Variants in NALCN observed in about 807,000 individuals in gnomAD.
The protein encoded by NALCN is sodium leak channel NALCN.
NALCN carries 111 observed loss-of-function variants against 225.3 expected under a neutral mutation model. The ratio of observed to expected loss-of-function variants is 0.49; its 90% CI spans 0.42 to 0.58. The LOEUF is 0.58. Among genes scored for constraint, NALCN ranks in the 20% least tolerant of loss-of-function variants. The probability of loss-of-function intolerance (pLI) is 0.00; values close to 1 mark genes in which losing one functional copy is unlikely to be tolerated. For missense variants in NALCN, 1,378 were observed against 2,202.4 expected (o/e 0.63, Z 7.49); for synonymous variants, 764 against 769.0 (o/e 0.99, Z 0.11).
intron 9 of NALCN, among the ~76,000 whole-genome samples, chr13:101,284,535 A>G (rs1251504833): frequency 6.6e-6 from 1 of 152,240 alleles, no homozygotes; most frequent in East Asian, 1.9e-4. Flanking sequence ...CAGGATCCAT[A>G]AAATAAGAAG....
At chr13:101,333,159 T>C (rs1184408647) in intron 7 of NALCN, among the ~76,000 whole-genome samples, 1 of 152,178 alleles carries the variant, frequency 6.6e-6, no homozygotes, top group Non-Finnish European at 1.5e-5. Context: ...ATGGTTACAT[T>C]CTCAGAAAAA....
At position 101,254,676 on chromosome 13, in the gene NALCN, G is replaced by A. The variant is rs1310836516; in HGVS notation, c.1266+3767C>T. 4.1e-5 allele frequency among the ~76,000 whole-genome samples: 3 copies of A among 73,426 alleles called. 1 individual carries two copies. The highest frequency in any genetic ancestry group is 7.6e-5 in the African/African-American group (2 of 26,316). The allele number at this position is 73,426 out of a possible 152,430, so 48.2% of individuals were successfully genotyped here. A position where few individuals can be genotyped will look rare whatever the true frequency, so the allele number is the denominator to read the frequency against. On this transcript the variant is annotated intron_variant, in intron 11 of 43. Transcript: ENST00000251127. Reference sequence around the variant, plus strand: ...GGAGGCCGAGGCGGGCGGATCACGAGGTCAGGAGATCGAGACCATCCCGGC... The same window carrying A: ...GGAGGCCGAGGCGGGCGGATCACGAAGTCAGGAGATCGAGACCATCCCGGC...
intron 27 of NALCN, among the ~76,000 whole-genome samples, chr13:101,098,861 C>T (rs2034656353): frequency 6.7e-6 from 1 of 150,156 alleles, no homozygotes; most frequent in Admixed American, 6.6e-5. Flanking sequence ...TCTTTTCAAT[C>T]GTTCTGCTTG....
chr13:101,123,650 G>A (rs1028396426), intron 18 of NALCN, among the ~76,000 whole-genome samples: 2 of 152,174 alleles, frequency 1.3e-5, no homozygotes, highest in African/African-American at 2.4e-5. Flanking sequence ...CTCTATGCAT[G>A]AACGTCAGCC....
At chr13:101,065,267 G>A in intron 40 of NALCN, 137 bp downstream of exon 40, 1 of 892,860 alleles carries the variant, frequency 1.1e-6, no homozygotes, top group Non-Finnish European at 1.7e-6. Flanking sequence ...CCTGGGACAT[G>A]TGACCCCACT....
intron 6 of NALCN, among the ~76,000 whole-genome samples, chr13:101,362,705 G>C (rs561167049): frequency 6.6e-5 from 10 of 152,060 alleles, no homozygotes; most frequent in African/African-American, 2.4e-4. Flanking sequence ...ATTTTCATCA[G>C]ATTTATTCAA....
Position 101,411,390 on chromosome 13 carries a change from C to T in NALCN, c.-40+4923G>A, listed in dbSNP as rs1410990784. Among the ~76,000 whole-genome samples, 4 of 147,990 alleles carry T rather than the reference C, an allele frequency of 2.7e-5. No homozygotes were observed. In the East Asian group the frequency reaches 6.0e-4, roughly 22 times the overall value. On this transcript the variant is annotated intron_variant, in intron 1 of 43. Coordinates refer to ENST00000251127, the MANE Select transcript of NALCN (RefSeq NM_052867.4). ...ACGGAGTCTTGCCCTGTCGCCCAGG[C>T]TGGAGTGTAATGCGTGATCTCGGCT...
intron 6 of NALCN, among the ~76,000 whole-genome samples, chr13:101,370,158 T>C (rs1218835719): frequency 2.0e-5 from 3 of 152,168 alleles, no homozygotes; most frequent in African/African-American, 7.2e-5. Context: ...TATAACACAA[T>C]ATCCTCTTTA....
intron 3 of NALCN, among the ~76,000 whole-genome samples, chr13:101,383,042 C>G (rs556430515): frequency 6.6e-6 from 1 of 152,126 alleles, no homozygotes. Flanking sequence ...ACCCAAGATA[C>G]AAAGGCCAGC....
chr13:101,180,204 C>CTTTTTTTTTTTT (rs71200724), intron 14 of NALCN, among the ~76,000 whole-genome samples: 4 of 109,950 alleles, frequency 3.6e-5, no homozygotes, highest in Non-Finnish European at 5.6e-5. Context: ...TCCACCTGGT[C>CTTTTTTTTTTTT]TTTTTTTTTT....
chr13:101,414,969 G>A (rs1312934057), intron 1 of NALCN, among the ~76,000 whole-genome samples: 4 of 143,582 alleles, frequency 2.8e-5, no homozygotes, highest in Admixed American at 1.4e-4. Context: ...ACAGAAGAAC[G>A]AAAAATCGAC....
At chr13:101,318,276 G>A (rs1016022015) in intron 7 of NALCN, among the ~76,000 whole-genome samples, 2 of 152,146 alleles carry the variant, frequency 1.3e-5, no homozygotes, top group East Asian at 3.9e-4. Context: ...CGGGGTGCAT[G>A]AGTGAGTGAG....
intron 15 of NALCN, among the ~76,000 whole-genome samples, chr13:101,165,346 C>T (rs2038387128): frequency 6.6e-6 from 1 of 152,176 alleles, no homozygotes; most frequent in African/African-American, 2.4e-5. Context: ...TCATCGAAGG[C>T]CCTGAGCTTG....
At chr13:101,203,892 G>A (rs139376502) in intron 13 of NALCN, among the ~76,000 whole-genome samples, 1 of 152,258 alleles carries the variant, frequency 6.6e-6, no homozygotes, top group Non-Finnish European at 1.5e-5. Context: ...TTGCCTTTTG[G>A]TGCTGTCAAC....
intron 28 of NALCN, among the ~76,000 whole-genome samples, chr13:101,090,718 C>T (rs1009432888): frequency 1.1e-4 from 16 of 152,084 alleles, no homozygotes; most frequent in African/African-American, 3.6e-4. Flanking sequence ...TATTCATTTT[C>T]TGTTTTCTTA....
intron 7 of NALCN, among the ~76,000 whole-genome samples, chr13:101,329,923 C>T (rs2045100385): frequency 6.6e-6 from 1 of 151,864 alleles, no homozygotes; most frequent in Non-Finnish European, 1.5e-5. Flanking sequence ...CCTGTAGTCC[C>T]AGCTACTTGG....
intron 7 of NALCN, among the ~76,000 whole-genome samples, chr13:101,310,192 G>A (rs1193383811): frequency 1.3e-5 from 2 of 152,152 alleles, no homozygotes; most frequent in East Asian, 3.9e-4. Context: ...GAGTTGTCCT[G>A]ATCAGTTTTG....
rs8000023 is a variant in NALCN, at chr13:101,095,541, A to G, written c.3269+33T>C. ...AAAGCCTTATACTGACAAACACACCATTCTTCAGAATATTTTTTTATGATA... is the reference window on the plus strand; with the variant it reads ...AAAGCCTTATACTGACAAACACACCGTTCTTCAGAATATTTTTTTATGATA... On this transcript the variant is annotated intron_variant, in intron 28 of 43. Transcript: ENST00000251127. 0.22 allele frequency: 333,062 copies of G among 1,534,056 alleles called. 39,924 individuals carry two copies. Among genetic ancestry groups the G allele is most frequent in the Non-Finnish European group, 0.25 (279,273 of 1,113,490 alleles).
intron 13 of NALCN, among the ~76,000 whole-genome samples, chr13:101,196,986 A>T (rs2039916834): frequency 6.6e-6 from 1 of 152,122 alleles, no homozygotes; most frequent in Admixed American, 6.6e-5. Flanking sequence ...TTGTAGCAGA[A>T]TGGGAGATGA....
Sources: gnomAD v4.1 joint callset for allele counts (sites outside exome capture counted in the v4.1 genomes callset) on GRCh38, gnomAD v4.1.1 for gene constraint, MANE v1.5 for transcripts, NCBI Gene and HGNC (gene_info 2026-07-23, HGNC 2026-07-21) for gene names.